Variants in IRAG2 observed in about 807,000 individuals in gnomAD.
The protein encoded by IRAG2 is lymphoid restricted membrane protein.
Under a neutral mutation model 69.9 loss-of-function variants are expected in IRAG2, and 45 were observed. The ratio of observed to expected loss-of-function variants is 0.64; its 90% CI spans 0.51 to 0.83. IRAG2 has a LOEUF of 0.83. IRAG2 is among the 40% of genes least tolerant of loss of function. IRAG2 has a pLI of 0.00. For missense variants in IRAG2, 520 were observed against 587.0 expected, an observed-to-expected ratio of 0.89 and a Z score of 1.18; for synonymous variants, 193 against 202.4, an observed-to-expected ratio of 0.95 and a Z score of 0.40.
chr12:25,073,892 G>T (rs971442602), intron 6 of IRAG2, among the ~76,000 whole-genome samples: 1 of 152,214 alleles, frequency 6.6e-6, no homozygotes, highest in Non-Finnish European at 1.5e-5. Flanking sequence ...TTGGCCATAG[G>T]TTGGTAATTG....
intron 6 of IRAG2, among the ~76,000 whole-genome samples, chr12:25,019,196 G>A (rs117698939): frequency 0.077 from 11,667 of 152,258 alleles, 654 homozygotes; most frequent in Admixed American, 0.11. Flanking sequence ...GCCCCAGAGG[G>A]CATGTGTTAC....
chr12:25,011,239 C>A, intron 2 of IRAG2: 1 of 744,338 alleles, frequency 1.3e-6, no homozygotes, highest in Non-Finnish European at 1.8e-6. Flanking sequence ...TATACCATGC[C>A]AGCTCCGCAG....
intron 8 of IRAG2, chr12:25,024,006 A>C (rs1944603612): frequency 1.4e-6 from 1 of 701,924 alleles, no homozygotes; most frequent in Non-Finnish European, 2.0e-6. Flanking sequence ...AATAAAAATC[A>C]TGTAAATATA....
the IRAG2 span, chr12:24,997,738 T>C: frequency 1.3e-5 from 2 of 152,402 alleles, no homozygotes; most frequent in Non-Finnish European, 2.9e-5. Flanking sequence ...TGTTCTGTTG[T>C]GTCTCAACCT....
chr12:25,058,740 A>G (rs1219242652), intron 1 of IRAG2, among the ~76,000 whole-genome samples: 4 of 152,218 alleles, frequency 2.6e-5, no homozygotes, highest in Non-Finnish European at 5.9e-5. Flanking sequence ...CTTTCTTCAG[A>G]GGCAATGTAT....
intron 3 of IRAG2, among the ~76,000 whole-genome samples, chr12:25,012,788 A>G (rs1696079): frequency 0.98 from 149,865 of 152,234 alleles, 73,820 homozygotes; most frequent in East Asian, 1. Context: ...AGATCGTGCC[A>G]TAGCACTCTA....
At chr12:25,000,445 C>A (rs752343459), upstream of IRAG2, among the ~76,000 whole-genome samples, 13 of 150,208 alleles carry the variant, frequency 8.7e-5, no homozygotes, top group African/African-American at 1.5e-4. Flanking sequence ...GGCACCATAT[C>A]AAAAAAAAAT....
intron 2 of IRAG2, chr12:25,006,481 A>G (rs1944431118): frequency 6.6e-6 from 1 of 152,260 alleles, no homozygotes; most frequent in Non-Finnish European, 1.5e-5. Context: ...CCAAATGACC[A>G]TGAACAGAAG....
intron 6 of IRAG2, among the ~76,000 whole-genome samples, chr12:25,078,236 A>G (rs1946957717): frequency 6.6e-6 from 1 of 152,258 alleles, no homozygotes; most frequent in Non-Finnish European, 1.5e-5. Context: ...TAATGTACTA[A>G]ACATATATAA....
chr12:25,037,433 G>A (rs1474599917), intron 15 of IRAG2, among the ~76,000 whole-genome samples: 1 of 152,012 alleles, frequency 6.6e-6, no homozygotes, highest in Admixed American at 6.6e-5. Context: ...CAAGTAGCTG[G>A]GATTACATGC....
upstream of IRAG2, among the ~76,000 whole-genome samples, chr12:25,001,297 A>G (rs904143504): frequency 6.6e-6 from 1 of 152,020 alleles, no homozygotes; most frequent in Non-Finnish European, 1.5e-5. Context: ...TTAAAAAAAA[A>G]TGCTAAGTGT....
At position 25,015,130 on chromosome 12, in the gene IRAG2, C is replaced by T. The variant is rs1158306851; in HGVS notation, c.897-52C>T. The stretch of plus-strand genomic sequence containing the variant: ...AAAAAAAAGACAAAACTTGGTCAGG[C>T]AAAGAATCCTAGCTCACTGGTTTTG... On this transcript the variant is annotated intron_variant, in intron 3 of 38. Transcript: ENST00000636465. 5 of 583,926 alleles carry T rather than the reference C, an allele frequency of 8.6e-6. No individual in the cohort carries two copies. The East Asian group carries it at 2.8e-4, about 33-fold the overall frequency. 36.2% of individuals were successfully genotyped at this position (583,926 alleles called of 1,614,324 possible).
chr12:25,077,383 G>GAAATATATA (rs1592024333), intron 6 of IRAG2, among the ~76,000 whole-genome samples: 1 of 115,086 alleles, frequency 8.7e-6, no homozygotes, highest in African/African-American at 3.3e-5. Flanking sequence ...ATATATATAT[G>GAAATATATA]ATATATATAT....
At chr12:25,054,698 T>C (rs745840207) in intron 1 of IRAG2, among the ~76,000 whole-genome samples, 1 of 152,162 alleles carries the variant, frequency 6.6e-6, no homozygotes, top group Non-Finnish European at 1.5e-5. Flanking sequence ...CTGTCCAGAT[T>C]TATGAAATCC....
At chr12:25,003,204 A>G (rs80325058), upstream of IRAG2, among the ~76,000 whole-genome samples, 6,155 of 152,324 alleles carry the variant, frequency 0.04, 157 homozygotes, top group East Asian at 0.088. Flanking sequence ...AGGGGATTAA[A>G]AAAAAGATTC....
In IRAG2 at chr12:25,089,807, T is replaced by C; in HGVS notation, c.465+17T>C. ...GAGGTGGAGGTGAGTTTAAAGCAAA[T>C]TTTTTTTCCTTTTAAAAAAGTGTTC... On this transcript the variant is annotated intron_variant, in intron 13 of 21. Coordinates refer to ENST00000556887, the MANE Select transcript of IRAG2 (RefSeq NM_001366544.2). The C allele has an allele frequency of 6.2e-7, 1 of 1,609,640 alleles. No individual in the cohort carries two copies. The highest frequency in any genetic ancestry group is 1.7e-5 in the Admixed American group (1 of 59,932).
chr12:25,032,066 C>T (rs1322215028), intron 10 of IRAG2: 2 of 397,810 alleles, frequency 5.0e-6, no homozygotes, highest in Non-Finnish European at 4.4e-6. Flanking sequence ...TTCTGTGGCT[C>T]ACATTAATAG....
Position 25,078,213 on chromosome 12 carries a change from C to A in IRAG2, c.25-1031C>A, listed in dbSNP as rs528894834. On this transcript the variant is annotated intron_variant, in intron 6 of 21. Transcript: ENST00000556887. The stretch of plus-strand genomic sequence containing the variant: ...TTAAATGAGATGATATATTAAAGGG[C>A]TCTTGTAAATTTTAATGTACTAAAC... Among the ~76,000 whole-genome samples the A allele has an allele frequency of 7.2e-5, 11 of 152,266 alleles. No individual in the cohort carries two copies. In the East Asian group the frequency reaches 1.9e-3, roughly 27 times the overall value.
chr12:25,074,721 T>C (rs1411479346), intron 6 of IRAG2, among the ~76,000 whole-genome samples: 3 of 152,222 alleles, frequency 2.0e-5, no homozygotes, highest in Non-Finnish European at 4.4e-5. Context: ...AGCCAATGAT[T>C]TGGAGATGAA....
Sources: allele counts gnomAD v4.1 joint callset (sites outside exome capture counted in the v4.1 genomes callset), GRCh38; gene constraint gnomAD v4.1.1; transcripts MANE v1.5; gene names NCBI Gene and HGNC (gene_info 2026-07-23, HGNC 2026-07-21).